Variants in SGCD observed in about 807,000 individuals in gnomAD.
SGCD encodes the protein delta-sarcoglycan.
A neutral mutation model predicts 36.6 loss-of-function variants in SGCD; 18 were observed. The observed-to-expected ratio is 0.49, with a 90% CI of 0.34 to 0.73. SGCD has a LOEUF of 0.73. Among genes scored for constraint, SGCD ranks in the 30% least tolerant of loss-of-function variants. The pLI, the probability that SGCD is intolerant of heterozygous loss-of-function variation, is 0.01. For missense variants in SGCD, 387 were observed against 346.7 expected, an observed-to-expected ratio of 1.12 and a Z score of -0.92; for synonymous variants, 133 against 130.6, an observed-to-expected ratio of 1.02 and a Z score of -0.12.
chr5:156,105,065 C>A (rs1023810756), intron 1 of SGCD, among the ~76,000 whole-genome samples: 16 of 152,094 alleles, frequency 1.1e-4, no homozygotes, highest in Non-Finnish European at 2.4e-4. Flanking sequence ...TTAATGGGTG[C>A]AGCATACCAA....
At chr5:156,129,536 T>C (rs1452890187) in intron 3 of SGCD, among the ~76,000 whole-genome samples, 2 of 152,200 alleles carry the variant, frequency 1.3e-5, no homozygotes, top group African/African-American at 2.4e-5. Context: ...CTTTGTTATG[T>C]AGGTAAACTA....
chr5:156,722,962 A>G (rs1046979066), intron 7 of SGCD, among the ~76,000 whole-genome samples: 7 of 152,222 alleles, frequency 4.6e-5, no homozygotes, highest in African/African-American at 1.7e-4. Context: ...ATATGTCTTC[A>G]TTTAGGGTAA....
Position 156,328,452 on chromosome 5 carries a change from T to A in SGCD, c.-43-1082T>A, listed in dbSNP as rs140570575. Among the ~76,000 whole-genome samples the A allele has an allele frequency of 6.6e-5, 10 of 152,244 alleles. No homozygotes were observed. In the East Asian group the frequency reaches 1.5e-3, roughly 24 times the overall value. On this transcript the variant is annotated intron_variant, in intron 1 of 8. Coordinates refer to ENST00000337851, the MANE Select transcript of SGCD (RefSeq NM_000337.6). Reference sequence around the variant, plus strand: ...GACTAGACCTCTTAGGGTGGATCTCTGTGACAACAGGTGTGCATTTACTTG... The same window carrying A: ...GACTAGACCTCTTAGGGTGGATCTCAGTGACAACAGGTGTGCATTTACTTG...
At chr5:155,783,904 GAGA>G in the SGCD span, among the ~76,000 whole-genome samples, 1 of 152,188 alleles carries the variant, frequency 6.6e-6, no homozygotes, top group African/African-American at 2.4e-5. Flanking sequence ...TGAACATGGA[GAGA>G]AGGAGTGGGT....
chr5:156,594,903 C>T (rs1401102531), intron 5 of SGCD, 29 bp from the exon 6 acceptor site: 17 of 1,463,936 alleles, frequency 1.2e-5, no homozygotes, highest in Non-Finnish European at 1.5e-5. Flanking sequence ...TCTCTCCTCT[C>T]TATCTCTCTA....
chr5:155,892,475 A>C, intron 1 of SGCD, among the ~76,000 whole-genome samples: 1 of 151,442 alleles, frequency 6.6e-6, no homozygotes, highest in South Asian at 2.1e-4. Flanking sequence ...AAAAAAAAAA[A>C]AAAAAAAAAG....
At chr5:156,670,311 G>T (rs1753234738) in intron 7 of SGCD, among the ~76,000 whole-genome samples, 1 of 152,132 alleles carries the variant, frequency 6.6e-6, no homozygotes, top group African/African-American at 2.4e-5. Context: ...TTCCTAAGTT[G>T]TGGCCATTTT....
the SGCD span, among the ~76,000 whole-genome samples, chr5:155,752,141 C>T: frequency 6.6e-6 from 1 of 152,330 alleles, no homozygotes; most frequent in East Asian, 1.9e-4. Context: ...ATTTGTGTCT[C>T]ATTTGGACAA....
chr5:156,352,087 T>C (rs1017624510), intron 3 of SGCD, among the ~76,000 whole-genome samples: 4 of 152,228 alleles, frequency 2.6e-5, no homozygotes, highest in African/African-American at 9.6e-5. Flanking sequence ...GCTGTTACTT[T>C]TGCTAGTGCA....
At chr5:156,575,726 T>C (rs528928421) in intron 4 of SGCD, among the ~76,000 whole-genome samples, 1 of 151,780 alleles carries the variant, frequency 6.6e-6, no homozygotes, top group African/African-American at 2.4e-5. Context: ...TTCCCTAAAA[T>C]GGGTCCCATT....
upstream of SGCD, among the ~76,000 whole-genome samples, chr5:155,869,035 T>A (rs1755579473): frequency 6.6e-6 from 1 of 152,216 alleles, no homozygotes; most frequent in African/African-American, 2.4e-5. Context: ...TCTCTTGTCA[T>A]GAGGCTAAAA....
intron 1 of SGCD, among the ~76,000 whole-genome samples, chr5:156,080,571 C>T (rs904452238): frequency 5.3e-5 from 8 of 152,168 alleles, no homozygotes; most frequent in Non-Finnish European, 1.0e-4. Context: ...AGCAGCCAGG[C>T]CATTTCTTGA....
chr5:156,498,935 C>CCTGTGTGTGTGTGTGTGT (rs149269957), intron 3 of SGCD, among the ~76,000 whole-genome samples: 5 of 149,350 alleles, frequency 3.3e-5, no homozygotes, highest in African/African-American at 7.4e-5. Context: ...ATGTGTGCTA[C>CCTGTGTGTGTGTGTGTGT]GTGTGTGTGT....
intron 3 of SGCD, among the ~76,000 whole-genome samples, chr5:156,160,671 G>A (rs1054523907): frequency 2.6e-5 from 4 of 151,448 alleles, no homozygotes; most frequent in Non-Finnish European, 5.9e-5. Context: ...TAGCATTTAC[G>A]CCTTTAGCCT....
chr5:156,487,508 G>C (rs1755728141), intron 3 of SGCD, among the ~76,000 whole-genome samples: 1 of 152,116 alleles, frequency 6.6e-6, no homozygotes, highest in African/African-American at 2.4e-5. Context: ...AGCTTAACAA[G>C]GTCAGGCGTG....
intron 3 of SGCD, among the ~76,000 whole-genome samples, chr5:156,129,613 A>AT (rs932382268): frequency 5.9e-5 from 9 of 152,118 alleles, no homozygotes; most frequent in African/African-American, 9.6e-5. Context: ...CCCTATAGTT[A>AT]TTTTTTTCTG....
chr5:155,895,450 G>C (rs1756228994), intron 1 of SGCD, among the ~76,000 whole-genome samples: 1 of 152,032 alleles, frequency 6.6e-6, no homozygotes. Context: ...CTCTTTAATG[G>C]GCTTATTGCT....
intron 1 of SGCD, among the ~76,000 whole-genome samples, chr5:155,893,718 A>G (rs567715232): frequency 6.6e-6 from 1 of 152,344 alleles, no homozygotes; most frequent in African/African-American, 2.4e-5. Context: ...ATTAAATAAG[A>G]TGGCACAGTC....
chr5:155,753,433 T>C, the SGCD span, among the ~76,000 whole-genome samples: 1 of 152,194 alleles, frequency 6.6e-6, no homozygotes, highest in Non-Finnish European at 1.5e-5. Flanking sequence ...AATCCTTCTA[T>C]ACTTCATTGT....
Sources: allele counts gnomAD v4.1 joint callset (sites outside exome capture counted in the v4.1 genomes callset), GRCh38; gene constraint gnomAD v4.1.1; transcripts MANE v1.5; gene names NCBI Gene and HGNC (gene_info 2026-07-23, HGNC 2026-07-21).